Variants in NUP155 observed in about 807,000 individuals in gnomAD.
NUP155 encodes nucleoporin 155, also known as nuclear pore complex protein Nup155.
Under a neutral mutation model 180.4 loss-of-function variants are expected in NUP155, and 71 were observed. The ratio of observed to expected loss-of-function variants is 0.39; its 90% confidence interval spans 0.33 to 0.48. The LOEUF is 0.48. Among genes scored for constraint, NUP155 ranks in the 20% least tolerant of loss-of-function variants. The pLI is 0.91. For missense variants in NUP155, 1,553 were observed against 1,648.9 expected (o/e 0.94, Z 1.01); for synonymous variants, 582 against 559.5 (o/e 1.04, Z -0.57).
chr5:37,342,632 G>A lies in NUP155; in HGVS notation c.1010C>T (p.Ser337Phe), dbSNP rs142350078. Residue 337 changes from serine to phenylalanine, a missense_variant, in exon 10 of 35, where the codon TCT (serine) becomes TTT (phenylalanine). Physicochemically the swap from Ser to Phe is radical, Grantham distance 155. Coordinates refer to ENST00000231498, the MANE Select transcript of NUP155 (RefSeq NM_153485.3). ...TATTTGGACAATTGGTTTAAAAACAGAACGATCGATGGTCCTAAAAGAAAG... is the reference window on the plus strand; with the variant it reads ...TATTTGGACAATTGGTTTAAAAACAAAACGATCGATGGTCCTAAAAGAAAG... ...AGNIARTIDR[S>F]VFKPIVQIAV... 1.7e-5 allele frequency: 27 copies of A among 1,607,300 alleles called. No homozygotes were observed. In the African/African-American group the frequency reaches 3.2e-4, roughly 19 times the overall value.
intron 11 of NUP155, among the ~76,000 whole-genome samples, chr5:37,340,342 G>T (rs1387995025): frequency 1.3e-5 from 2 of 152,036 alleles, no homozygotes; most frequent in East Asian, 3.9e-4. Flanking sequence ...CTACTCAGGA[G>T]GCTGAAGTGG....
At position 37,326,347 on chromosome 5, in the gene NUP155, T is replaced by C. The variant is rs141018172; in HGVS notation, c.2025-380A>G. ...TAACTAAGATAACATGATAGACTGATTGCAAAAACAACCACATTTCTTTAT... is the reference window on the plus strand; with the variant it reads ...TAACTAAGATAACATGATAGACTGACTGCAAAAACAACCACATTTCTTTAT... On this transcript the variant is annotated intron_variant, in intron 18 of 34. Coordinates refer to ENST00000231498, the MANE Select transcript of NUP155 (RefSeq NM_153485.3). 4.6e-3 allele frequency among the ~76,000 whole-genome samples: 696 copies of C among 152,292 alleles called. 4 individuals carry two copies. The highest frequency in any genetic ancestry group is 4.9e-3 in the Non-Finnish European group (333 of 68,016).
At chr5:37,367,187 G>C (rs1747647298) in intron 1 of NUP155, among the ~76,000 whole-genome samples, 1 of 151,896 alleles carries the variant, frequency 6.6e-6, no homozygotes, top group Non-Finnish European at 1.5e-5. Flanking sequence ...TAGGACTACA[G>C]TGTCATGACA....
At chr5:37,295,655 C>T (rs539584862) in intron 32 of NUP155, among the ~76,000 whole-genome samples, 6,811 of 148,502 alleles carry the variant, frequency 0.046, 544 homozygotes, top group African/African-American at 0.16. Flanking sequence ...CGTCTCTGCC[C>T]GGCCACCCAT....
At chr5:37,322,021 A>G (rs1744278586) in intron 20 of NUP155, among the ~76,000 whole-genome samples, 2 of 151,550 alleles carry the variant, frequency 1.3e-5, no homozygotes, top group Non-Finnish European at 2.9e-5. Context: ...ACACCTGGCT[A>G]GTTTTGTATT....
rs1479011346 is a variant in NUP155 at position 37,309,190 on chromosome 5, C to T, written c.2706G>A (p.Lys902=). The change falls in exon 24 of 35, where the codon AAG becomes AAA. Residue 902 remains lysine (K), a synonymous_variant. Transcript: ENST00000231498. ...CTTGATTGCTAATTTTTTGATATTC[C>T]TTTAATGATTCCCTTAACATTCTTT... The part of the protein sequence containing the change: ...EKERMLRESL[K]EYQKISNQVD... The T allele has an allele frequency of 1.2e-6, 2 of 1,613,376 alleles. No homozygotes were observed. The highest frequency in any genetic ancestry group is 1.7e-6 in the Non-Finnish European group (2 of 1,179,694).
rs563526043 is a variant in NUP155 at position 37,290,605 on chromosome 5, T to C, written c.*1295A>G. On this transcript the variant is annotated 3_prime_UTR_variant, in exon 35 of 35. Coordinates refer to ENST00000231498, the MANE Select transcript of NUP155 (RefSeq NM_153485.3). ...GTTATTCTATTTTGTTAAGGAATAA[T>C]TAAAAAGTACATTACTAACAGTTTT... 6.6e-6 allele frequency: 1 copy of C among 152,340 alleles called. No homozygotes were observed. The highest frequency in any genetic ancestry group is 1.9e-4 in the East Asian group (1 of 5,190). The allele number at this position is 152,340 out of a possible 1,614,324, so 9.4% of individuals were successfully genotyped here. A position where few individuals can be genotyped will look rare whatever the true frequency, so the allele number is the denominator to read the frequency against.
intron 32 of NUP155, among the ~76,000 whole-genome samples, chr5:37,298,379 T>C (rs182054310): frequency 2.2e-4 from 33 of 152,288 alleles, no homozygotes; most frequent in East Asian, 3.9e-4. Flanking sequence ...CACTTGTAGG[T>C]TGGCAAATAG....
intron 9 of NUP155, among the ~76,000 whole-genome samples, chr5:37,348,059 G>A (rs1287218662): frequency 2.0e-5 from 3 of 152,092 alleles, no homozygotes; most frequent in Admixed American, 6.6e-5. Flanking sequence ...GCTTGAACGC[G>A]CGAGGCAGAA....
At chr5:37,355,321 C>G (rs1746742900) in intron 4 of NUP155, among the ~76,000 whole-genome samples, 1 of 151,556 alleles carries the variant, frequency 6.6e-6, no homozygotes, top group African/African-American at 2.4e-5. Flanking sequence ...CTAGCCTGGA[C>G]AACATGGCCA....
intron 31 of NUP155, 58 bp downstream of exon 31, chr5:37,299,390 A>T: frequency 1.9e-6 from 3 of 1,602,326 alleles, no homozygotes; most frequent in Non-Finnish European, 2.6e-6. Context: ...AGCAGCTTGC[A>T]TTCCTCCACC....
chr5:37,351,107 T>C, intron 6 of NUP155, 83 bp downstream of exon 6: 3 of 1,083,554 alleles, frequency 2.8e-6, no homozygotes, highest in East Asian at 2.5e-5. Flanking sequence ...AATGTCCTTA[T>C]ATAATTAGAA....
intron 5 of NUP155, among the ~76,000 whole-genome samples, chr5:37,352,383 A>T (rs1450991312): frequency 6.6e-6 from 1 of 151,862 alleles, no homozygotes; most frequent in African/African-American, 2.4e-5. Flanking sequence ...AAACAAAAAA[A>T]CAAAATTAGC....
At chr5:37,356,610 A>AG (rs1746847196) in intron 4 of NUP155, among the ~76,000 whole-genome samples, 3 of 152,186 alleles carry the variant, frequency 2.0e-5, no homozygotes. Flanking sequence ...ACTGCACTCT[A>AG]GCCTGGGCAA....
chr5:37,299,344 C>T (rs1742744610), intron 31 of NUP155, 104 bp downstream of exon 31: 3 of 1,390,266 alleles, frequency 2.2e-6, no homozygotes, highest in Admixed American at 1.7e-5. Flanking sequence ...ACACAATTTT[C>T]ATGAGCCACT....
chr5:37,307,203 A>G lies in NUP155; in HGVS notation c.2903+94T>C, dbSNP rs1743209093. The G allele has an allele frequency of 3.2e-5, 43 of 1,360,448 alleles. No homozygotes were observed. The South Asian group carries it at 5.4e-4, about 17-fold the overall frequency. The allele number at this position is 1,360,448 out of a possible 1,614,324, so 84.3% of individuals were successfully genotyped here. On this transcript the variant is annotated intron_variant, in intron 25 of 34. Coordinates refer to ENST00000231498, the MANE Select transcript of NUP155 (RefSeq NM_153485.3). ...ACAGAGCAAGACTCTGTCTCAAAAA[A>G]AAAAAAAAAACATAAAACAAAAAAC...
chr5:37,370,853 TC>T lies in NUP155; in HGVS notation c.124del (p.Asp42ThrfsTer64). Reference protein sequence around the residue: ...RQLQEDRMYPDLSELLMVSAP... With the variant: ...RQLQEDRMYPXLSELLMVSAP... ...AGACACCATAAGCAGCTCGGAAAGG[TC>T]CGGGTACATGCGGTCCTCTTGCAAC... On this transcript the variant is annotated frameshift_variant, in exon 1 of 35. Coordinates refer to ENST00000231498, the MANE Select transcript of NUP155 (RefSeq NM_153485.3). LOFTEE classifies it high-confidence loss of function. 2 of 1,614,038 alleles carry T rather than the reference TC, an allele frequency of 1.2e-6. No homozygotes were observed. The highest frequency in any genetic ancestry group is 1.7e-6 in the Non-Finnish European group (2 of 1,180,014).
rs1561810701 is a variant in NUP155, at chr5:37,355,563, T to TA, written c.463+2517_463+2518insT. On this transcript the variant is annotated intron_variant, in intron 4 of 34. Transcript: ENST00000231498. Reference sequence around the variant, plus strand: ...TGTGTGTGTGTATATATATATATATTTATTTATTTGTTTGTTTGTTTGTTT... The same window carrying TA: ...TGTGTGTGTGTATATATATATATATTATATTTATTTGTTTGTTTGTTTGTTT... 1.4e-4 allele frequency among the ~76,000 whole-genome samples: 20 copies of TA among 145,210 alleles called. No homozygotes were observed. The East Asian group carries it at 2.8e-3, about 20-fold the overall frequency.
Position 37,351,282 on chromosome 5 carries a change from C to T in NUP155, c.631G>A (p.Asp211Asn). Reference protein sequence around the residue: ...LPDPLYSLPTDNTYLLTITST... With the variant: ...LPDPLYSLPTNNTYLLTITST... ...GTTATTGTTAAAAGGTAAGTATTATCAGTAGGAAGAGAATATAAAGGATCT... is the reference window on the plus strand; with the variant it reads ...GTTATTGTTAAAAGGTAAGTATTATTAGTAGGAAGAGAATATAAAGGATCT... The change falls in exon 6 of 35, where the codon GAT becomes AAT. Residue 211 changes from aspartate to asparagine, a missense_variant. Coordinates refer to ENST00000231498, the MANE Select transcript of NUP155 (RefSeq NM_153485.3). The T allele has an allele frequency of 6.2e-7, 1 of 1,612,698 alleles. No homozygotes were observed. Among genetic ancestry groups the T allele is most frequent in the Non-Finnish European group, 8.5e-7 (1 of 1,178,940 alleles).
Sources: gnomAD v4.1 joint callset for allele counts (sites outside exome capture counted in the v4.1 genomes callset) on GRCh38, gnomAD v4.1.1 for gene constraint, MANE v1.5 for transcripts, NCBI Gene and HGNC (gene_info 2026-07-23, HGNC 2026-07-21) for gene names.